Variants in ZNF713 observed in about 807,000 individuals in gnomAD.
ZNF713 encodes zinc finger protein 713.
A neutral mutation model predicts 28.7 loss-of-function variants in ZNF713; 21 were observed. That is an observed-to-expected ratio of 0.73 (90% CI 0.52 to 1.05). The LOEUF (loss-of-function observed/expected upper bound fraction) is 1.05, where lower values mean the gene tolerates loss of function less well. ZNF713 is among the 50% of genes least tolerant of loss of function. The probability of loss-of-function intolerance (pLI) is 0.00; values close to 1 mark genes in which losing one functional copy is unlikely to be tolerated. For missense variants in ZNF713, 458 were observed against 532.4 expected (o/e 0.86, Z 1.37); for synonymous variants, 167 against 178.0 (o/e 0.94, Z 0.49).
chr7:55,891,556 G>A (rs775589833), intron 1 of ZNF713, among the ~76,000 whole-genome samples: 6 of 152,058 alleles, frequency 3.9e-5, no homozygotes, highest in Non-Finnish European at 8.8e-5. Flanking sequence ...AGCCACACGT[G>A]GTGGTGCGCA....
At chr7:55,903,280 A>C (rs1785611596) in intron 1 of ZNF713, among the ~76,000 whole-genome samples, 1 of 152,174 alleles carries the variant, frequency 6.6e-6, no homozygotes, top group Admixed American at 6.5e-5. Flanking sequence ...TTAACCAGAT[A>C]GACCAGGTTC....
At chr7:55,904,576 A>T (rs1426487129) in intron 1 of ZNF713, among the ~76,000 whole-genome samples, 2 of 152,072 alleles carry the variant, frequency 1.3e-5, no homozygotes, top group Non-Finnish European at 2.9e-5. Flanking sequence ...AGGGCAGAAC[A>T]AAAGCCAGAC....
intron 1 of ZNF713, among the ~76,000 whole-genome samples, chr7:55,901,302 A>G (rs572546903): frequency 3.6e-4 from 55 of 152,310 alleles, no homozygotes; most frequent in Non-Finnish European, 6.6e-4. Context: ...TTATAAAGCC[A>G]TCAGTTCTCA....
Position 55,939,857 on chromosome 7 carries a change from G to A in ZNF713, c.1183G>A (p.Glu395Lys), listed in dbSNP as rs373824271. ...LNQHERTHTG[E>K]KPYKCNECGK... ...TCAACATGAAAGAACTCATACAGGAGAGAAACCCTATAAATGTAATGAATG... is the reference window on the plus strand; with the variant it reads ...TCAACATGAAAGAACTCATACAGGAAAGAAACCCTATAAATGTAATGAATG... The change falls in exon 7 of 7, where the codon GAG becomes AAG. Residue 395 changes from glutamate (E) to lysine (K), a missense_variant. Coordinates refer to ENST00000429591, the MANE Select transcript of ZNF713 (RefSeq NM_182633.3). The A allele has an allele frequency of 3.7e-6, 6 of 1,614,126 alleles. No individual in the cohort carries two copies. The highest frequency in any genetic ancestry group is 4.2e-6 in the Non-Finnish European group (5 of 1,179,988).
In ZNF713 at chr7:55,887,899, C is replaced by CGGCGGGAGGCGGCAGGT. The variant is rs1785306029; in HGVS notation, c.-583+229_-583+245dup. ...CGGCGGCGGCGGCGGGCGGCGGCGG[C>CGGCGGGAGGCGGCAGGT]GGCGGGAGGCGGCAGGTGGCGGGAG... On this transcript the variant is annotated intron_variant, in intron 1 of 6. Transcript: ENST00000429591. Among the ~76,000 whole-genome samples, 3 of 128,666 alleles carry CGGCGGGAGGCGGCAGGT rather than the reference C, an allele frequency of 2.3e-5. 1 individual carries two copies. The highest frequency in any genetic ancestry group is 4.8e-5 in the Non-Finnish European group (3 of 62,370). The allele number at this position is 128,666 out of a possible 152,430, so 84.4% of individuals were successfully genotyped here.
chr7:55,918,170 C>A (rs1267003261), intron 4 of ZNF713: 5 of 454,562 alleles, frequency 1.1e-5, no homozygotes, highest in Non-Finnish European at 2.2e-5. Context: ...GGGATGCTTA[C>A]TCTAAACCCG....
At chr7:55,896,299 C>T (rs1785470215) in intron 1 of ZNF713, among the ~76,000 whole-genome samples, 1 of 152,106 alleles carries the variant, frequency 6.6e-6, no homozygotes, top group Admixed American at 6.6e-5. Context: ...CTTTAGGAAA[C>T]AGTATCTTAA....
chr7:55,923,283 C>T lies in ZNF713; in HGVS notation c.209C>T (p.Ala70Val). The change falls in exon 5 of 7, where the codon GCA (alanine) becomes GTA (valine). Residue 70 changes from alanine (A) to valine (V), a missense_variant. Transcript: ENST00000429591. The stretch of plus-strand genomic sequence containing the variant: ...CTGGAGAACTACAGGAATCTAGTTG[C>T]ACTGGGTGAGGATGGCATCCCTGTG... ...VMLENYRNLV[A>V]LGYQLCKPEV... The T allele has an allele frequency of 6.2e-7, 1 of 1,611,078 alleles. No homozygotes were observed. The highest frequency in any genetic ancestry group is 8.5e-7 in the Non-Finnish European group (1 of 1,178,850).
chr7:55,920,085 G>A (rs1261768357), intron 4 of ZNF713, among the ~76,000 whole-genome samples: 1 of 152,090 alleles, frequency 6.6e-6, no homozygotes, highest in African/African-American at 2.4e-5. Flanking sequence ...ATTAGGCCAA[G>A]TAATAACCCT....
intron 1 of ZNF713, among the ~76,000 whole-genome samples, chr7:55,902,620 A>C (rs1417773816): frequency 6.6e-6 from 1 of 152,100 alleles, no homozygotes; most frequent in African/African-American, 2.4e-5. Flanking sequence ...ATATCTCTCC[A>C]TTTTTGCCCT....
chr7:55,927,834 T>A (rs1230048132), intron 6 of ZNF713, among the ~76,000 whole-genome samples: 1 of 124,790 alleles, frequency 8.0e-6, no homozygotes, highest in Non-Finnish European at 1.6e-5. Context: ...GAGACGGAGG[T>A]TGCAGTGAGC....
chr7:55,895,063 A>T (rs1785448748), intron 1 of ZNF713, among the ~76,000 whole-genome samples: 1 of 152,222 alleles, frequency 6.6e-6, no homozygotes, highest in South Asian at 2.1e-4. Flanking sequence ...TTTGCCAAAA[A>T]GTAAAATGAG....
chr7:55,889,855 C>G (rs1388575752), intron 1 of ZNF713, among the ~76,000 whole-genome samples: 1 of 152,156 alleles, frequency 6.6e-6, no homozygotes, highest in Non-Finnish European at 1.5e-5. Context: ...TTAATTTTAC[C>G]TTAGAGTATG....
At chr7:55,927,498 G>A (rs908390411) in intron 6 of ZNF713, among the ~76,000 whole-genome samples, 2 of 152,100 alleles carry the variant, frequency 1.3e-5, no homozygotes, top group African/African-American at 4.8e-5. Context: ...ACTCCAGCCT[G>A]GGCAATAGAG....
intron 1 of ZNF713, among the ~76,000 whole-genome samples, chr7:55,889,024 G>A (rs986040852): frequency 6.6e-6 from 1 of 151,970 alleles, no homozygotes; most frequent in Non-Finnish European, 1.5e-5. Flanking sequence ...CAGCCTGGGC[G>A]ACAGAATCAG....
Position 55,939,935 on chromosome 7 carries a change from A to T in ZNF713, c.1261A>T (p.Thr421Ser), listed in dbSNP as rs1390087084. 1 of 1,613,260 alleles carries T rather than the reference A, an allele frequency of 6.2e-7. No individual in the cohort carries two copies. The highest frequency in any genetic ancestry group is 8.5e-7 in the Non-Finnish European group (1 of 1,179,504). ...AHLNQHRKIHTREKLCEYKCE... is the reference protein window; with the variant it reads ...AHLNQHRKIHSREKLCEYKCE... ...CCTTAATCAACACAGGAAAATCCAT[A>T]CTCGGGAGAAATTATGTGAATATAA... Residue 421 changes from threonine (T) to serine (S), a missense_variant, in exon 7 of 7, where the codon ACT becomes TCT. Physicochemically the swap from Thr to Ser is moderately conservative, Grantham distance 58. Coordinates refer to ENST00000429591, the MANE Select transcript of ZNF713 (RefSeq NM_182633.3).
At chr7:55,909,273 A>C (rs1318624804) in intron 2 of ZNF713, among the ~76,000 whole-genome samples, 1 of 150,640 alleles carries the variant, frequency 6.6e-6, no homozygotes, top group Non-Finnish European at 1.5e-5. Context: ...GTTTTCCCGC[A>C]CCATTTATTG....
intron 1 of ZNF713, among the ~76,000 whole-genome samples, chr7:55,903,319 A>G (rs2116191807): frequency 6.6e-6 from 1 of 152,164 alleles, no homozygotes; most frequent in East Asian, 1.9e-4. Context: ...ACATAACACA[A>G]TGGTGAGGTA....
Position 55,924,970 on chromosome 7 carries a change from C to A in ZNF713, c.307+1271C>A, listed in dbSNP as rs1786068882. 3 of 151,926 alleles carry A rather than the reference C, an allele frequency of 2.0e-5. No homozygotes were observed. In the South Asian group the frequency reaches 6.2e-4, roughly 32 times the overall value. The allele number at this position is 151,926 out of a possible 1,614,324, so 9.4% of individuals were successfully genotyped here. A position where few individuals can be genotyped will look rare whatever the true frequency, so the allele number is the denominator to read the frequency against. ...AAAACCTGGATCTGTTGGCTTTATA[C>A]TCTCTTCTTTAAAGCATTCCCTTAA... On this transcript the variant is annotated intron_variant, in intron 6 of 6. Coordinates refer to ENST00000429591, the MANE Select transcript of ZNF713 (RefSeq NM_182633.3).
Sources: gnomAD v4.1 joint callset for allele counts (sites outside exome capture counted in the v4.1 genomes callset) on GRCh38, gnomAD v4.1.1 for gene constraint, MANE v1.5 for transcripts, NCBI Gene and HGNC (gene_info 2026-07-23, HGNC 2026-07-21) for gene names.